OR4N2: variants seen among roughly 807,000 people sequenced by gnomAD.
OR4N2 encodes olfactory receptor family 4 subfamily N member 2, also known as olfactory receptor 4N2.
For missense variants in OR4N2, 307 were observed against 377.6 expected (o/e 0.81, Z 1.55); for synonymous variants, 141 against 140.4 (o/e 1.00, Z -0.03).
At position 19,828,714 on chromosome 14, in the gene OR4N2, A is replaced by T. The variant is rs1458943551; in HGVS notation, c.*342A>T. ...AATCAAAAAAGACCTTGAAGAGCTGACGTTTTGGATGATATCTGGATAAAC... is the reference window on the plus strand; with the variant it reads ...AATCAAAAAAGACCTTGAAGAGCTGTCGTTTTGGATGATATCTGGATAAAC... On this transcript the variant is annotated 3_prime_UTR_variant, in exon 2 of 2. Coordinates refer to ENST00000557677, the MANE Select transcript of OR4N2 (RefSeq NM_001004723.3). The T allele has an allele frequency of 4.3e-6, 1 of 233,726 alleles. No homozygotes were observed. The highest frequency in any genetic ancestry group is 2.3e-5 in the African/African-American group (1 of 42,982). The allele number at this position is 233,726 out of a possible 1,614,324, so 14.5% of individuals were successfully genotyped here.
At chr14:19,820,686 G>T (rs190286673) in intron 1 of OR4N2, among the ~76,000 whole-genome samples, 288 of 152,342 alleles carry the variant, frequency 1.9e-3, no homozygotes, top group African/African-American at 2.7e-3. Context: ...GGTTGTGGGG[G>T]GCTCTGCCCA....
At chr14:19,821,231 G>C (rs1159895483) in intron 1 of OR4N2, among the ~76,000 whole-genome samples, 1 of 152,224 alleles carries the variant, frequency 6.6e-6, no homozygotes, top group Non-Finnish European at 1.5e-5. Context: ...GCCCCACCCT[G>C]CTTTGGCTTA....
intron 1 of OR4N2, among the ~76,000 whole-genome samples, chr14:19,804,982 A>C (rs1879127541): frequency 6.6e-6 from 1 of 152,034 alleles, no homozygotes; most frequent in Non-Finnish European, 1.5e-5. Context: ...TTATTGGTTT[A>C]TAGTCTATTT....
chr14:19,807,245 A>T (rs934768183), intron 1 of OR4N2, among the ~76,000 whole-genome samples: 1 of 152,040 alleles, frequency 6.6e-6, no homozygotes, highest in Non-Finnish European at 1.5e-5. Flanking sequence ...GAGAAACTTA[A>T]TGAAATTGAG....
chr14:19,814,337 C>A (rs1448655738), intron 1 of OR4N2, among the ~76,000 whole-genome samples: 1 of 152,190 alleles, frequency 6.6e-6, no homozygotes, highest in Non-Finnish European at 1.5e-5. Flanking sequence ...TTCCCTTTAG[C>A]AATTGTTCTA....
intron 1 of OR4N2, among the ~76,000 whole-genome samples, chr14:19,810,727 GA>G (rs1185027848): frequency 6.6e-6 from 1 of 152,142 alleles, no homozygotes; most frequent in Admixed American, 6.5e-5. Context: ...ACAAACATTA[GA>G]AAAAATTTTA....
In OR4N2 at chr14:19,820,149, CAGGAGGCACAGGCATCAGGGAGCCACTTG is replaced by C. The variant is rs1432805753; in HGVS notation, c.-9-7282_-9-7254del. On this transcript the variant is annotated intron_variant, in intron 1 of 1. Transcript: ENST00000557677. The stretch of plus-strand genomic sequence containing the variant: ...CCCCTGCTAGGAGGTGTCTCCCAGT[CAGGAGGCACAGGCATCAGGGAGCCACTTG>C]AGGAGGCAGTCTGTCCCTTAGCAGA... Among the ~76,000 whole-genome samples the C allele has an allele frequency of 1.4e-4, 22 of 152,262 alleles. 1 individual carries two copies. Among genetic ancestry groups the C allele is most frequent in the African/African-American group, 5.3e-4 (22 of 41,472 alleles).
chr14:19,827,613 C>T lies in OR4N2; in HGVS notation c.165C>T (p.Leu55=), dbSNP rs773035506. The change falls in exon 2 of 2, where the codon CTC becomes CTT. Residue 55 remains leucine (L), a synonymous_variant. Coordinates refer to ENST00000557677, the MANE Select transcript of OR4N2 (RefSeq NM_001004723.3). ...TCACCATAAAGTCAGACCCTGGGCT[C>T]ACAGCCCCCCTCTATTTCTTTCTGG... ...IIFTIKSDPG[L]TAPLYFFLGN... is the part of the protein sequence containing the mutation. 9.9e-6 allele frequency: 16 copies of T among 1,614,106 alleles called. No individual in the cohort carries two copies. The South Asian group carries it at 1.2e-4, about 12-fold the overall frequency.
intron 1 of OR4N2, among the ~76,000 whole-genome samples, chr14:19,823,253 G>A (rs1173053536): frequency 6.6e-6 from 1 of 151,980 alleles, no homozygotes. Context: ...TTTGAAATTT[G>A]TATTCAATAT....
At chr14:19,819,331 G>A (rs545378548) in intron 1 of OR4N2, among the ~76,000 whole-genome samples, 117 of 152,300 alleles carry the variant, frequency 7.7e-4, no homozygotes, top group Non-Finnish European at 1.5e-3. Context: ...CCAATCAAAC[G>A]TAGGTTTGGT....
At chr14:19,825,518 C>T (rs1264899908) in intron 1 of OR4N2, among the ~76,000 whole-genome samples, 8 of 150,766 alleles carry the variant, frequency 5.3e-5, no homozygotes, top group South Asian at 2.1e-4. Context: ...ACCCCATGTG[C>T]TAGAGCACTT....
In OR4N2 at chr14:19,828,313, C is replaced by T. The variant is rs755351760; in HGVS notation, c.865C>T (p.Leu289Phe). 7 of 1,613,974 alleles carry T rather than the reference C, an allele frequency of 4.3e-6. No homozygotes were observed. The highest frequency in any genetic ancestry group is 1.3e-5 in the African/African-American group (1 of 74,888). Residue 289 changes from leucine (L) to phenylalanine (F), a missense_variant, in exon 2 of 2, where the codon CTT becomes TTT. Physicochemically the swap from Leu to Phe is conservative, Grantham distance 22 (BLOSUM62 0). Transcript: ENST00000557677. ...TTTGTTGAATCCTGTCATTTATACC[C>T]TTCGCAACCAGGAAGTGAAAGCTTC... ...FPLLNPVIYT[L>F]RNQEVKASMK... is the part of the protein sequence containing the mutation.
At chr14:19,812,853 T>C (rs534649921) in intron 1 of OR4N2, among the ~76,000 whole-genome samples, 2 of 152,370 alleles carry the variant, frequency 1.3e-5, no homozygotes, top group East Asian at 3.9e-4. Context: ...AAAAAATGAA[T>C]AAATTCAGAG....
intron 1 of OR4N2, among the ~76,000 whole-genome samples, chr14:19,815,958 C>A (rs2138470459): frequency 6.6e-6 from 1 of 152,300 alleles, no homozygotes; most frequent in South Asian, 2.1e-4. Flanking sequence ...AATAGGGAAT[C>A]CTTTTCCCAT....
intron 1 of OR4N2, among the ~76,000 whole-genome samples, chr14:19,807,066 T>A (rs1378340059): frequency 6.6e-6 from 1 of 150,598 alleles, no homozygotes; most frequent in African/African-American, 2.4e-5. Context: ...AGGAAATAAA[T>A]ATTTTTTAAA....
intron 1 of OR4N2, among the ~76,000 whole-genome samples, chr14:19,812,486 A>C (rs1303608688): frequency 2.6e-5 from 4 of 151,340 alleles, no homozygotes; most frequent in East Asian, 1.9e-4. Flanking sequence ...CCCGCCACCA[A>C]GCCGAGATAA....
chr14:19,806,614 A>T (rs1045798146), intron 1 of OR4N2, among the ~76,000 whole-genome samples: 21 of 152,204 alleles, frequency 1.4e-4, no homozygotes, highest in Admixed American at 1.4e-3. Context: ...CAATCCTACA[A>T]TAATACTGGG....
intron 1 of OR4N2, among the ~76,000 whole-genome samples, chr14:19,811,358 T>C (rs1371882174): frequency 2.6e-5 from 4 of 152,250 alleles, no homozygotes; most frequent in Non-Finnish European, 4.4e-5. Context: ...GCCATTCTCC[T>C]GCCTCAGCCT....
chr14:19,815,433 CT>C (rs1297811643), intron 1 of OR4N2, among the ~76,000 whole-genome samples: 9 of 151,942 alleles, frequency 5.9e-5, no homozygotes, highest in East Asian at 1.9e-4. Context: ...TGATGATGAG[CT>C]TTTTTTTCAT....
Sources: gnomAD v4.1 joint callset for allele counts (sites outside exome capture counted in the v4.1 genomes callset) on GRCh38, gnomAD v4.1.1 for gene constraint, MANE v1.5 for transcripts, NCBI Gene and HGNC (gene_info 2026-07-23, HGNC 2026-07-21) for gene names.